PIWIL2: variants seen among roughly 807,000 people sequenced by gnomAD.
PIWIL2 encodes piwi-like protein 2.
In PIWIL2, 81 loss-of-function variants were observed where a neutral mutation model predicts 116.5. The ratio of observed to expected loss-of-function variants is 0.70; its 90% CI spans 0.58 to 0.84. The LOEUF (loss-of-function observed/expected upper bound fraction) is 0.84. Among genes scored for constraint, PIWIL2 ranks in the 40% least tolerant of loss-of-function variants. PIWIL2 has a pLI of 0.00. For synonymous variants in PIWIL2, 489 were observed against 429.5 expected, an observed-to-expected ratio of 1.14 and a Z score of -1.71; for missense variants, 1,272 against 1,212.3, an observed-to-expected ratio of 1.05 and a Z score of -0.73.
At chr8:22,343,471 G>A (rs866912257) in intron 20 of PIWIL2, among the ~76,000 whole-genome samples, 7 of 152,016 alleles carry the variant, frequency 4.6e-5, no homozygotes, top group South Asian at 4.1e-4. Context: ...GGTGGCGCAT[G>A]CCTGTAATCC....
At chr8:22,354,825 T>C (rs1473649572) in intron 22 of PIWIL2, among the ~76,000 whole-genome samples, 1 of 152,160 alleles carries the variant, frequency 6.6e-6, no homozygotes, top group Non-Finnish European at 1.5e-5. Context: ...ATCCCAGCAC[T>C]TTGGGAGGCT....
chr8:22,329,643 G>A lies in PIWIL2; in HGVS notation c.2403+11368G>A, dbSNP rs568677977. Among the ~76,000 whole-genome samples the A allele has an allele frequency of 3.9e-5, 6 of 152,278 alleles. No individual in the cohort carries two copies. In the South Asian group the frequency reaches 1.0e-3, roughly 26 times the overall value. On this transcript the variant is annotated intron_variant, in intron 20 of 22. Transcript: ENST00000356766. ...CCACCATGCCCCACCTCCAGTATTG[G>A]GAATTACATGTCAACATGAGATTTG... is the stretch of plus-strand genomic sequence containing the variant.
Position 22,355,868 on chromosome 8 carries a change from TC to T in PIWIL2, c.*364del. On this transcript the variant is annotated 3_prime_UTR_variant, in exon 23 of 23. Coordinates refer to ENST00000356766, the MANE Select transcript of PIWIL2 (RefSeq NM_018068.5). ...GCGGGTGGATCATGAGGTCAGGAGA[TC>T]AAGACCATCCTGGCCAACATGGTGA... 1 of 216,674 alleles carries T rather than the reference TC, an allele frequency of 4.6e-6. No homozygotes were observed. Among genetic ancestry groups the T allele is most frequent in the Non-Finnish European group, 9.6e-6 (1 of 104,522 alleles). The allele number at this position is 216,674 out of a possible 1,614,324, so 13.4% of individuals were successfully genotyped here.
rs144853145 is a variant in PIWIL2, at chr8:22,281,847, C to T, written c.425+332C>T. On this transcript the variant is annotated intron_variant, in intron 4 of 22. Coordinates refer to ENST00000356766, the MANE Select transcript of PIWIL2 (RefSeq NM_018068.5). The stretch of plus-strand genomic sequence containing the variant: ...AGTGCAATGCCTCAATCTTGGCTCA[C>T]TGCAACCTCCGCCTCCCAGGTTCAA... Among the ~76,000 whole-genome samples the T allele has an allele frequency of 5.6e-3, 835 of 149,010 alleles. 10 individuals carry two copies. The highest frequency in any genetic ancestry group is 0.02 in the African/African-American group (790 of 40,396).
chr8:22,351,432 CATACATACATATAT>C (rs1832350453), intron 20 of PIWIL2, among the ~76,000 whole-genome samples: 1 of 46,582 alleles, frequency 2.1e-5, no homozygotes, highest in Non-Finnish European at 3.8e-5. Flanking sequence ...AGGAACAGTG[CATACATACATATAT>C]ATATATATAT....
chr8:22,354,383 GC>G lies in PIWIL2; in HGVS notation c.2765+8del. The G allele has an allele frequency of 6.4e-7, 1 of 1,569,958 alleles. No individual in the cohort carries two copies. The highest frequency in any genetic ancestry group is 8.8e-7 in the Non-Finnish European group (1 of 1,139,830). On this transcript the variant is annotated splice_donor_region_variant and intron_variant, in intron 22 of 22. Coordinates refer to ENST00000356766, the MANE Select transcript of PIWIL2 (RefSeq NM_018068.5). The stretch of plus-strand genomic sequence containing the variant: ...GAGCCCTGATCATATGCAGAGGTGG[GC>G]CCATCAGTAACTTACTCTTTCTCTT...
rs368390242 is a variant in PIWIL2, at chr8:22,304,899, G to A, written c.1455+31G>A. ...TAGGGCTGTCAGGCTTACAATTCCAGCTTAAGTTCTTCATCCTGTCAGCTG... is the reference window on the plus strand; with the variant it reads ...TAGGGCTGTCAGGCTTACAATTCCAACTTAAGTTCTTCATCCTGTCAGCTG... On this transcript the variant is annotated intron_variant, in intron 12 of 22. Transcript: ENST00000356766. 4.2e-6 allele frequency: 6 copies of A among 1,424,730 alleles called. No homozygotes were observed. The African/African-American group carries it at 5.6e-5, about 13-fold the overall frequency. 88.3% of individuals were successfully genotyped at this position (1,424,730 alleles called of 1,614,324 possible). A position where few individuals can be genotyped will look rare whatever the true frequency, so the allele number is the denominator to read the frequency against.
chr8:22,315,859 T>G (rs573545243), intron 18 of PIWIL2, among the ~76,000 whole-genome samples: 128 of 152,166 alleles, frequency 8.4e-4, no homozygotes, highest in African/African-American at 3.0e-3. Context: ...TTTCTGGGGG[T>G]TTGGGTTCAT....
chr8:22,309,256 G>A (rs982594826), intron 14 of PIWIL2, among the ~76,000 whole-genome samples: 5 of 151,856 alleles, frequency 3.3e-5, no homozygotes, highest in East Asian at 3.9e-4. Flanking sequence ...CACCACACCC[G>A]GCCCCCTTGG....
In PIWIL2 at chr8:22,281,198, C is replaced by G; in HGVS notation, c.277C>G (p.Leu93Val). The G allele has an allele frequency of 6.2e-7, 1 of 1,609,434 alleles. No individual in the cohort carries two copies. The highest frequency in any genetic ancestry group is 8.5e-7 in the Non-Finnish European group (1 of 1,176,950). The change falls in exon 3 of 23, where the codon CTT becomes GTT. Residue 93 changes from leucine (L) to valine (V), a missense_variant. Leu to Val is a conservative substitution (Grantham distance 32, BLOSUM62 1). Transcript: ENST00000356766. ...TAAGACCCCTCTGAAACGGGAAATGCTTCCATCAGGTATGTGGAAAACTAA... is the reference window on the plus strand; with the variant it reads ...TAAGACCCCTCTGAAACGGGAAATGGTTCCATCAGGTATGTGGAAAACTAA... ...VSKTPLKREM[L>V]PSGRGILGRG...
At chr8:22,291,140 TTTTTC>T (rs1212388889) in intron 10 of PIWIL2, among the ~76,000 whole-genome samples, 2 of 151,560 alleles carry the variant, frequency 1.3e-5, no homozygotes, top group East Asian at 1.9e-4. Flanking sequence ...GGCTAATTTT[TTTTTC>T]TTTTCTTTTC....
chr8:22,318,417 A>C (rs1831518485), intron 20 of PIWIL2, 142 bp downstream of exon 20: 1 of 556,170 alleles, frequency 1.8e-6, no homozygotes, highest in Admixed American at 3.2e-5. Flanking sequence ...TCCTGGGTTC[A>C]AGCGGTTCTC....
At chr8:22,277,391 T>G (rs568682114) in intron 1 of PIWIL2, among the ~76,000 whole-genome samples, 58 of 152,240 alleles carry the variant, frequency 3.8e-4, no homozygotes, top group South Asian at 8.3e-4. Flanking sequence ...AGGGAGAGCC[T>G]CACCCCGGGT....
At chr8:22,288,291 C>G (rs1830676127) in intron 7 of PIWIL2, among the ~76,000 whole-genome samples, 1 of 115,504 alleles carries the variant, frequency 8.7e-6, no homozygotes, top group Admixed American at 1.2e-4. Flanking sequence ...GAGCGAGACT[C>G]TGTCTCCAAA....
intron 20 of PIWIL2, among the ~76,000 whole-genome samples, chr8:22,351,484 A>ATATATATAT (rs1554507136): frequency 7.8e-5 from 5 of 64,050 alleles, no homozygotes; most frequent in Admixed American, 1.6e-4. Flanking sequence ...TATATATATA[A>ATATATATAT]TTTATATCTA....
At chr8:22,278,486 C>T (rs949726418) in intron 1 of PIWIL2, among the ~76,000 whole-genome samples, 13 of 152,338 alleles carry the variant, frequency 8.5e-5, no homozygotes, top group Admixed American at 4.6e-4. Flanking sequence ...TGCCACTGCA[C>T]TCCAGCCTGG....
At chr8:22,288,919 G>A (rs781263925) in intron 8 of PIWIL2, among the ~76,000 whole-genome samples, 38 of 152,158 alleles carry the variant, frequency 2.5e-4, no homozygotes, top group Admixed American at 7.2e-4. Flanking sequence ...GTTGTGTTCA[G>A]GAACTTTGAA....
intron 20 of PIWIL2, among the ~76,000 whole-genome samples, chr8:22,345,979 G>A (rs947941686): frequency 6.6e-6 from 1 of 152,082 alleles, no homozygotes; most frequent in Admixed American, 6.6e-5. Context: ...AATCTTTTGG[G>A]GTGATCAATA....
intron 10 of PIWIL2, among the ~76,000 whole-genome samples, chr8:22,298,153 A>G (rs1448407226): frequency 6.6e-6 from 1 of 152,018 alleles, no homozygotes; most frequent in Non-Finnish European, 1.5e-5. Context: ...GCTACTCGGG[A>G]GGCCGAGGTG....
Sources: gnomAD v4.1 joint callset for allele counts (sites outside exome capture counted in the v4.1 genomes callset) on GRCh38, gnomAD v4.1.1 for gene constraint, MANE v1.5 for transcripts, NCBI Gene and HGNC (gene_info 2026-07-23, HGNC 2026-07-21) for gene names.